The following DMAP1 variants were observed in gnomAD, a reference collection of about 807,000 sequenced individuals.
DMAP1 encodes DNA methyltransferase 1-associated protein 1.
DMAP1 carries 26 observed loss-of-function variants against 52.7 expected under a neutral mutation model. That is an observed-to-expected ratio of 0.49 (90% CI 0.36 to 0.68). DMAP1 has a LOEUF of 0.68. Among genes scored for constraint, DMAP1 ranks in the 30% least tolerant of loss-of-function variants. DMAP1 has a pLI of 0.00. For missense variants in DMAP1, 439 were observed against 625.2 expected (o/e 0.70, Z 3.18); for synonymous variants, 231 against 246.0 (o/e 0.94, Z 0.57).
intron 3 of DMAP1, chr1:44,215,435 C>A (rs548165903): frequency 6.9e-6 from 3 of 432,148 alleles, no homozygotes; most frequent in Admixed American, 5.0e-5. Context: ...CTTGGGGGAT[C>A]GTCCTTGACT....
At position 44,219,700 on chromosome 1, in the gene DMAP1, CA is replaced by C. The variant is rs1199686988; in HGVS notation, c.979-105del. On this transcript the variant is annotated intron_variant, in intron 7 of 9. Transcript: ENST00000372289. ...CCTTTTCTGGCCCATAGTTAACCTC[CA>C]TGTGTTACCGTCTCTCTTCCACCAT... 3.6e-6 allele frequency: 5 copies of C among 1,388,780 alleles called. No individual in the cohort carries two copies. In the African/African-American group the frequency reaches 7.2e-5, roughly 20 times the overall value. 86.0% of individuals were successfully genotyped at this position (1,388,780 alleles called of 1,614,324 possible).
chr1:44,218,775 C>G lies in DMAP1; in HGVS notation c.720+20C>G, dbSNP rs1438810092. The G allele has an allele frequency of 6.3e-7, 1 of 1,583,482 alleles. No individual in the cohort carries two copies. The highest frequency in any genetic ancestry group is 1.1e-5 in the South Asian group (1 of 87,624). On this transcript the variant is annotated intron_variant, in intron 5 of 9. Transcript: ENST00000372289. The surrounding 1 kb of genome is among the most constrained non-coding windows in gnomAD (Gnocchi z 5.6). ...GAGCAGGTAAGCCCAAGGCCACATA[C>G]CTGTCCTCCATGCCCCAAACCCCTT...
chr1:44,216,141 G>A (rs1246069186), intron 3 of DMAP1: 3 of 152,082 alleles, frequency 2.0e-5, no homozygotes, highest in Non-Finnish European at 4.4e-5. Context: ...GCAGCCCCAT[G>A]GTAAATATTT....
rs1643880530 is a variant in DMAP1, at chr1:44,220,432, C to G, written c.1344+123C>G. 3.2e-6 allele frequency: 5 copies of G among 1,570,320 alleles called. No homozygotes were observed. The East Asian group carries it at 1.1e-4, about 36-fold the overall frequency. On this transcript the variant is annotated intron_variant, in intron 9 of 9. Coordinates refer to ENST00000372289, the MANE Select transcript of DMAP1 (RefSeq NM_019100.5). ...GAACGATCATCACTTCTGTGCGAGT[C>G]TGAGACTGAGGGTAGGAGTGGGTTG... is the stretch of plus-strand genomic sequence containing the variant.
Position 44,213,511 on chromosome 1 carries a change from G to A in DMAP1, c.-243G>A. On this transcript the variant is annotated 5_prime_UTR_variant, in exon 1 of 10. Coordinates refer to ENST00000372289, the MANE Select transcript of DMAP1 (RefSeq NM_019100.5). This position sits in a 1 kb window ranked among gnomAD's most constrained non-coding sequence, Gnocchi z 4.5. ...GGACGGGGGAGTGGTAGTGGGGGCT[G>A]CAGCTGCCGGACCCAGGTGCGGAAG... is the stretch of plus-strand genomic sequence containing the variant. 2 of 474,428 alleles carry A rather than the reference G, an allele frequency of 4.2e-6. No individual in the cohort carries two copies. The highest frequency in any genetic ancestry group is 7.6e-6 in the Non-Finnish European group (2 of 262,642). The allele number at this position is 474,428 out of a possible 1,614,324, so 29.4% of individuals were successfully genotyped here.
Position 44,213,833 on chromosome 1 carries a change from A to G in DMAP1, c.80A>G (p.Lys27Arg), listed in dbSNP as rs762931520. ...GATGCAGCCTCTGGGACCATCAGCAAGAAGGACATTATCAACCCGGACAAG... is the reference window on the plus strand; with the variant it reads ...GATGCAGCCTCTGGGACCATCAGCAGGAAGGACATTATCAACCCGGACAAG... ...EGDAASGTISKKDIINPDKKK... is the reference protein window; with the variant it reads ...EGDAASGTISRKDIINPDKKK... Residue 27 changes from lysine to arginine, a missense_variant, in exon 1 of 10, where the codon AAG becomes AGG. Around this residue, in one of 3 missense-constraint regions of DMAP1, gnomAD observed 118 missense variants for 189.8 expected, o/e 0.62. Transcript: ENST00000372289. This position sits in a 1 kb window ranked among gnomAD's most constrained non-coding sequence, Gnocchi z 4.5. 5 of 1,592,780 alleles carry G rather than the reference A, an allele frequency of 3.1e-6. No individual in the cohort carries two copies. In the South Asian group the frequency reaches 5.7e-5, roughly 18 times the overall value.
rs368513119 is a variant in DMAP1, at chr1:44,218,297, C to T, written c.394-14C>T. The T allele has an allele frequency of 5.6e-6, 9 of 1,614,244 alleles. No individual in the cohort carries two copies. In the African/African-American group the frequency reaches 1.1e-4, roughly 19 times the overall value. The stretch of plus-strand genomic sequence containing the variant: ...ATGCGGGCATGCCCCTACTGTGTCC[C>T]TCTGTGCTAGTAGACTGTGCAGGTG... On this transcript the variant is annotated splice_polypyrimidine_tract_variant and intron_variant, in intron 3 of 9. Transcript: ENST00000372289. The surrounding 1 kb of genome is among the most constrained non-coding windows in gnomAD (Gnocchi z 5.6).
In DMAP1 at chr1:44,215,384, G is replaced by C. The variant is rs1643770308; in HGVS notation, c.393+486G>C. On this transcript the variant is annotated intron_variant, in intron 3 of 9. Transcript: ENST00000372289. ...AGTCCCAAATCTGTTCCCCATCTCAGTGAATGGCACTATCTTCCACCCAGT... is the reference window on the plus strand; with the variant it reads ...AGTCCCAAATCTGTTCCCCATCTCACTGAATGGCACTATCTTCCACCCAGT... 2 of 454,934 alleles carry C rather than the reference G, an allele frequency of 4.4e-6. 1 individual carries two copies. Among genetic ancestry groups the C allele is most frequent in the Non-Finnish European group, 8.8e-6 (2 of 226,044 alleles). 28.2% of individuals were successfully genotyped at this position (454,934 alleles called of 1,614,324 possible). A position where few individuals can be genotyped will look rare whatever the true frequency, so the allele number is the denominator to read the frequency against.
In DMAP1 at chr1:44,213,957, A is replaced by G. The variant is rs1247866869; in HGVS notation, c.105+99A>G. The G allele has an allele frequency of 2.7e-6, 3 of 1,104,804 alleles. No individual in the cohort carries two copies. The Admixed American group carries it at 6.6e-5, about 24-fold the overall frequency. 68.4% of individuals were successfully genotyped at this position (1,104,804 alleles called of 1,614,324 possible). On this transcript the variant is annotated intron_variant, in intron 1 of 9. Coordinates refer to ENST00000372289, the MANE Select transcript of DMAP1 (RefSeq NM_019100.5). The surrounding 1 kb of genome is among the most constrained non-coding windows in gnomAD (Gnocchi z 4.5). ...AGGGATGGGTGCTACACTTACAGTG[A>G]GTTGGGCGATAAAAGGGGTGACATA... is the stretch of plus-strand genomic sequence containing the variant.
In DMAP1 at chr1:44,220,625, C is replaced by T; in HGVS notation, c.*7C>T. On this transcript the variant is annotated 3_prime_UTR_variant, in exon 10 of 10. Transcript: ENST00000372289. Reference sequence around the variant, plus strand: ...GAAAGCCAAGAAGCCGTGAGAGGCCCCACGGGGTGTGGGCGACGCTGTTAT... The same window carrying T: ...GAAAGCCAAGAAGCCGTGAGAGGCCTCACGGGGTGTGGGCGACGCTGTTAT... 1.2e-6 allele frequency: 2 copies of T among 1,614,164 alleles called. No individual in the cohort carries two copies. Among genetic ancestry groups the T allele is most frequent in the Admixed American group, 3.3e-5 (2 of 60,026 alleles).
Position 44,218,599 on chromosome 1 carries a change from G to A in DMAP1, c.564G>A (p.Val188=), listed in dbSNP as rs1468283743. 1.2e-6 allele frequency: 2 copies of A among 1,611,010 alleles called. No individual in the cohort carries two copies. Among genetic ancestry groups the A allele is most frequent in the Non-Finnish European group, 1.7e-6 (2 of 1,177,648 alleles). ...GTCTTGCTCCTCAGAAGCGTTCTGT[G>A]GAAGACCTGAAGGAGCGGTACTACC... The part of the protein sequence containing the change: ...YDHQQFKKRS[V]EDLKERYYHI... Residue 188 remains valine, a synonymous_variant, in exon 5 of 10, where the codon GTG becomes GTA. Transcript: ENST00000372289. The surrounding 1 kb of genome is among the most constrained non-coding windows in gnomAD (Gnocchi z 5.6).
Position 44,213,710 on chromosome 1 carries a change from C to T in DMAP1, c.-44C>T. On this transcript the variant is annotated 5_prime_UTR_variant, in exon 1 of 10. Coordinates refer to ENST00000372289, the MANE Select transcript of DMAP1 (RefSeq NM_019100.5). This position sits in a 1 kb window ranked among gnomAD's most constrained non-coding sequence, Gnocchi z 4.5. ...GACCTGAGCCTGGTCCTTCTTCAGG[C>T]ACTGACCCTTGACCTCCGGTGGCTC... 1 of 1,536,116 alleles carries T rather than the reference C, an allele frequency of 6.5e-7. No individual in the cohort carries two copies.
At chr1:44,220,469 T>C in intron 9 of DMAP1, 90 bp from the exon 10 acceptor site, 2 of 1,608,820 alleles carry the variant, frequency 1.2e-6, no homozygotes, top group Admixed American at 1.7e-5. Context: ...CCAGTGGGCG[T>C]CCTTGTCCCT....
At position 44,219,396 on chromosome 1, in the gene DMAP1, T is replaced by G; in HGVS notation, c.907-10T>G. The G allele has an allele frequency of 6.4e-7, 1 of 1,572,678 alleles. No homozygotes were observed. Among genetic ancestry groups the G allele is most frequent in the Non-Finnish European group, 8.6e-7 (1 of 1,163,764 alleles). ...TGACACCTTGGTCTCCATAATGCCT[T>G]CTCCCCCAGGCTGTTCCTGAGACTG... On this transcript the variant is annotated splice_polypyrimidine_tract_variant and intron_variant, in intron 6 of 9. Coordinates refer to ENST00000372289, the MANE Select transcript of DMAP1 (RefSeq NM_019100.5).
Position 44,213,490 on chromosome 1 carries a change from G to T in DMAP1, c.-264G>T, listed in dbSNP as rs185400619. The stretch of plus-strand genomic sequence containing the variant: ...GTTTCTGCCGCGGCTTTGCGGGGAC[G>T]GGGGAGTGGTAGTGGGGGCTGCAGC... On this transcript the variant is annotated 5_prime_UTR_variant, in exon 1 of 10. Transcript: ENST00000372289. This position sits in a 1 kb window ranked among gnomAD's most constrained non-coding sequence, Gnocchi z 4.5. 1 of 412,664 alleles carries T rather than the reference G, an allele frequency of 2.4e-6. No homozygotes were observed. Among genetic ancestry groups the T allele is most frequent in the Non-Finnish European group, 4.4e-6 (1 of 226,888 alleles). 25.6% of individuals were successfully genotyped at this position (412,664 alleles called of 1,614,324 possible). A position where few individuals can be genotyped will look rare whatever the true frequency, so the allele number is the denominator to read the frequency against.
rs917178059 is a variant in DMAP1 at position 44,213,899 on chromosome 1, G to C, written c.105+41G>C. The C allele has an allele frequency of 6.5e-7, 1 of 1,543,754 alleles. No individual in the cohort carries two copies. The highest frequency in any genetic ancestry group is 2.0e-5 in the Admixed American group (1 of 51,148). Reference sequence around the variant, plus strand: ...GAAAGCGTTGACTAGGGGAGGGTAGGGGAGTGAAGATGGGGAGGAGTGACA... The same window carrying C: ...GAAAGCGTTGACTAGGGGAGGGTAGCGGAGTGAAGATGGGGAGGAGTGACA... On this transcript the variant is annotated intron_variant, in intron 1 of 9. Coordinates refer to ENST00000372289, the MANE Select transcript of DMAP1 (RefSeq NM_019100.5). This position sits in a 1 kb window ranked among gnomAD's most constrained non-coding sequence, Gnocchi z 4.5.
chr1:44,219,621 G>A (rs750232564), intron 7 of DMAP1, 144 bp downstream of exon 7: 3 of 1,141,268 alleles, frequency 2.6e-6, no homozygotes, highest in Non-Finnish European at 3.7e-6. Flanking sequence ...TCTCAGTGAT[G>A]TGGCCAGGCT....
In DMAP1 at chr1:44,218,901, A is replaced by T; in HGVS notation, c.720+146A>T. On this transcript the variant is annotated intron_variant, in intron 5 of 9. Transcript: ENST00000372289. The surrounding 1 kb of genome is among the most constrained non-coding windows in gnomAD (Gnocchi z 5.6). ...TGCCCCAAGCCCATTCCTACTTCTCATGGGCCATCCCCCCTGCTTTTCATA... is the reference window on the plus strand; with the variant it reads ...TGCCCCAAGCCCATTCCTACTTCTCTTGGGCCATCCCCCCTGCTTTTCATA... The T allele has an allele frequency of 1.4e-6, 2 of 1,396,994 alleles. No individual in the cohort carries two copies. The highest frequency in any genetic ancestry group is 1.9e-6 in the Non-Finnish European group (2 of 1,027,230). The allele number at this position is 1,396,994 out of a possible 1,614,324, so 86.5% of individuals were successfully genotyped here.
At chr1:44,216,546 T>G (rs1371499156) in intron 3 of DMAP1, 2 of 152,214 alleles carry the variant, frequency 1.3e-5, no homozygotes, top group African/African-American at 4.8e-5. Flanking sequence ...TGTTGGTTTG[T>G]TTGTTTTTTA....
Sources: allele counts gnomAD v4.1 joint callset, GRCh38; gene constraint gnomAD v4.1.1; regional missense constraint gnomAD v4.1.1; non-coding constraint Gnocchi (gnomAD v3.1); transcripts MANE v1.5; gene names NCBI Gene and HGNC (gene_info 2026-07-23, HGNC 2026-07-21).